RASSF8: variants seen among roughly 807,000 people sequenced by gnomAD.
The protein encoded by RASSF8 is Ras association domain family member 8, also known as ras association domain-containing protein 8.
RASSF8 carries 22 observed loss-of-function variants against 48.5 expected under a neutral mutation model. The ratio of observed to expected loss-of-function variants is 0.45; its 90% CI spans 0.32 to 0.65. The LOEUF (loss-of-function observed/expected upper bound fraction) is 0.65. Among genes scored for constraint, RASSF8 ranks in the 30% least tolerant of loss-of-function variants. The pLI is 0.03. For missense variants in RASSF8, 418 were observed against 489.2 expected (o/e 0.85, Z 1.37); for synonymous variants, 127 against 171.5 (o/e 0.74, Z 2.03).
chr12:25,989,634 C>A (rs1328690791), intron 1 of RASSF8, among the ~76,000 whole-genome samples: 1 of 151,974 alleles, frequency 6.6e-6, no homozygotes, highest in Non-Finnish European at 1.5e-5. Context: ...ATTTAAAAAA[C>A]AATTGATCAT....
intron 3 of RASSF8, among the ~76,000 whole-genome samples, chr12:26,056,763 G>A (rs750279384): frequency 4.6e-5 from 7 of 152,154 alleles, no homozygotes; most frequent in Non-Finnish European, 8.8e-5. Flanking sequence ...TTCACATCCG[G>A]TGAAACTCTT....
intron 1 of RASSF8, among the ~76,000 whole-genome samples, chr12:25,963,655 A>C (rs1287406293): frequency 1.3e-5 from 2 of 151,888 alleles, no homozygotes; most frequent in Non-Finnish European, 2.9e-5. Context: ...TTCAGAACGT[A>C]CTCCTCTGCA....
rs1266789432 is a variant in RASSF8 at position 25,958,703 on chromosome 12, G to C, written c.-648G>C. Reference sequence around the variant, plus strand: ...GCCCAGAGGCACCGGCCGCGGGAGCGAGCGGGTCGCCGACTCCTACGCCCG... The same window carrying C: ...GCCCAGAGGCACCGGCCGCGGGAGCCAGCGGGTCGCCGACTCCTACGCCCG... On this transcript the variant is annotated 5_prime_UTR_variant, in exon 1 of 6. Coordinates refer to ENST00000689635, the MANE Select transcript of RASSF8 (RefSeq NM_001394098.1). 7 of 146,368 alleles carry C rather than the reference G, an allele frequency of 4.8e-5. No individual in the cohort carries two copies. In the South Asian group the frequency reaches 1.0e-3, roughly 21 times the overall value. The allele number at this position is 146,368 out of a possible 1,614,324, so 9.1% of individuals were successfully genotyped here.
At position 26,068,708 on chromosome 12, in the gene RASSF8, C is replaced by G; in HGVS notation, c.1150C>G (p.Gln384Glu). Residue 384 changes from glutamine to glutamate, a missense_variant, in exon 6 of 6, where the codon CAG becomes GAG. Physicochemically the swap from Gln to Glu is conservative, Grantham distance 29. Coordinates refer to ENST00000689635, the MANE Select transcript of RASSF8 (RefSeq NM_001394098.1). ...TGTTTCCTGTTTAGAGGCACCATTC[C>G]AGTCTGGGTCCCTGAAGCGACCTGG... ...HADIEREAPF[Q>E]SGSLKRPGSS... 6.5e-7 allele frequency: 1 copy of G among 1,537,228 alleles called. No individual in the cohort carries two copies. Among genetic ancestry groups the G allele is most frequent in the Non-Finnish European group, 8.7e-7 (1 of 1,146,790 alleles).
chr12:25,985,361 C>T (rs1045521970), intron 1 of RASSF8, among the ~76,000 whole-genome samples: 1 of 152,246 alleles, frequency 6.6e-6, no homozygotes, highest in East Asian at 1.9e-4. Context: ...CTCTGCTGTC[C>T]ACAGCTCCTG....
intron 2 of RASSF8, among the ~76,000 whole-genome samples, chr12:26,039,614 C>T (rs945139172): frequency 1.3e-5 from 2 of 152,036 alleles, no homozygotes; most frequent in Non-Finnish European, 2.9e-5. Flanking sequence ...TTGTAATTAA[C>T]CTGTTGCCTA....
At chr12:26,008,848 C>T (rs996028627) in intron 2 of RASSF8, among the ~76,000 whole-genome samples, 3 of 152,058 alleles carry the variant, frequency 2.0e-5, no homozygotes, top group African/African-American at 7.2e-5. Flanking sequence ...GACTGATATG[C>T]TCCCTCTAGC....
intron 2 of RASSF8, among the ~76,000 whole-genome samples, chr12:26,032,942 T>C (rs1047794117): frequency 1.3e-5 from 2 of 152,146 alleles, no homozygotes; most frequent in African/African-American, 4.8e-5. Flanking sequence ...AGCTAAAATA[T>C]TACATAATCA....
Position 26,019,597 on chromosome 12 carries a change from GTGTGTGTC to G in RASSF8, c.-109+24475_-109+24482del, listed in dbSNP as rs1386726001. On this transcript the variant is annotated intron_variant, in intron 2 of 5. Transcript: ENST00000689635. Reference sequence around the variant, plus strand: ...TGTGTGTGTGTGTGTGTGTGTGTGTGTGTGTGTCTGTGTGTGTCTGTGTGTATAACTAA... The same window carrying G: ...TGTGTGTGTGTGTGTGTGTGTGTGTGTGTGTGTGTCTGTGTGTATAACTAA... Among the ~76,000 whole-genome samples, 69 of 124,408 alleles carry G rather than the reference GTGTGTGTC, an allele frequency of 5.5e-4. 1 individual carries two copies. The highest frequency in any genetic ancestry group is 1.9e-3 in the African/African-American group (61 of 32,020). 81.6% of individuals were successfully genotyped at this position (124,408 alleles called of 152,430 possible).
intron 2 of RASSF8, among the ~76,000 whole-genome samples, chr12:26,000,982 CT>C (rs34793650): frequency 0.16 from 13,188 of 80,782 alleles, 229 homozygotes; most frequent in African/African-American, 0.2. Flanking sequence ...TTAAAATTTC[CT>C]TTTTTTTTTT....
chr12:25,996,658 T>A (rs1400023736), intron 2 of RASSF8, among the ~76,000 whole-genome samples: 2 of 152,222 alleles, frequency 1.3e-5, no homozygotes, highest in African/African-American at 2.4e-5. Context: ...GCCTTTAATT[T>A]TGATCCTTGA....
chr12:26,034,914 G>C (rs958368062), intron 2 of RASSF8, among the ~76,000 whole-genome samples: 2 of 150,330 alleles, frequency 1.3e-5, no homozygotes, highest in African/African-American at 4.9e-5. Flanking sequence ...GTTTGTTGTA[G>C]ACTGCTTTTA....
At chr12:26,063,484 T>G (rs757800982) in intron 3 of RASSF8, among the ~76,000 whole-genome samples, 8 of 152,020 alleles carry the variant, frequency 5.3e-5, no homozygotes, top group Non-Finnish European at 7.4e-5. Context: ...GCAGCCTTGA[T>G]CTCCCAGGAT....
chr12:26,034,341 G>C (rs886131677), intron 2 of RASSF8, among the ~76,000 whole-genome samples: 2 of 151,502 alleles, frequency 1.3e-5, no homozygotes, highest in Non-Finnish European at 2.9e-5. Flanking sequence ...TGGCTTCCCT[G>C]GGCCACATTG....
chr12:26,076,939 T>A (rs1944077959), downstream of RASSF8, among the ~76,000 whole-genome samples: 1 of 152,242 alleles, frequency 6.6e-6, no homozygotes. Context: ...GTTTCCTGAC[T>A]TTTTAATGAT....
intron 1 of RASSF8, among the ~76,000 whole-genome samples, chr12:25,966,800 T>C (rs1324476600): frequency 6.6e-6 from 1 of 152,240 alleles, no homozygotes; most frequent in South Asian, 2.1e-4. Flanking sequence ...GTTCAACTTA[T>C]AAATTTGTTT....
chr12:25,995,228 T>C (rs1312373691), intron 2 of RASSF8, 98 bp downstream of exon 2: 2 of 152,210 alleles, frequency 1.3e-5, no homozygotes, highest in Non-Finnish European at 2.9e-5. Context: ...TTTGGGAGAC[T>C]TTTATAGATC....
chr12:25,959,222 G>C (rs1941165138), intron 1 of RASSF8, 74 bp downstream of exon 1: 1 of 152,240 alleles, frequency 6.6e-6, no homozygotes, highest in Admixed American at 6.5e-5. Context: ...CTGCAGCCTC[G>C]GAGCTGCCCT....
intron 1 of RASSF8, among the ~76,000 whole-genome samples, chr12:25,971,866 A>C (rs776177561): frequency 2.0e-4 from 31 of 152,250 alleles, no homozygotes; most frequent in Non-Finnish European, 3.8e-4. Context: ...CCATCTGAGC[A>C]CTTGTGATTT....
Sources: gnomAD v4.1 joint callset for allele counts (sites outside exome capture counted in the v4.1 genomes callset) on GRCh38, gnomAD v4.1.1 for gene constraint, MANE v1.5 for transcripts, NCBI Gene and HGNC (gene_info 2026-07-23, HGNC 2026-07-21) for gene names.